PTPRD: variants seen among roughly 807,000 people sequenced by gnomAD.
The protein encoded by PTPRD is receptor-type tyrosine-protein phosphatase delta.
Under a neutral mutation model 214.5 loss-of-function variants are expected in PTPRD, and 34 were observed. That is an observed-to-expected ratio of 0.16 (90% CI 0.12 to 0.21). PTPRD has a LOEUF of 0.21. Among genes scored for constraint, PTPRD ranks in the 10% least tolerant of loss-of-function variants. PTPRD has a pLI of 1.00. For synonymous variants in PTPRD, 1,128 were observed against 845.7 expected (o/e 1.33, Z -5.79); for missense variants, 2,545 against 2,398.7 (o/e 1.06, Z -1.27).
rs549959552 is a variant in PTPRD, at chr9:10,529,609, C to T, written c.-600+82789G>A. ...GGGAAGGATAGCATTAGGAGAAATA[C>T]CTAATGTAGATGATGGCTTGATGGG... On this transcript the variant is annotated intron_variant, in intron 2 of 45. Transcript: ENST00000381196. Among the ~76,000 whole-genome samples the T allele has an allele frequency of 4.0e-5, 6 of 151,322 alleles. No individual in the cohort carries two copies. The South Asian group carries it at 1.3e-3, about 32-fold the overall frequency.
Position 9,328,839 on chromosome 9 carries a change from T to C in PTPRD, c.-203+68610A>G, listed in dbSNP as rs527916318. On this transcript the variant is annotated intron_variant, in intron 9 of 45. Coordinates refer to ENST00000381196, the MANE Select transcript of PTPRD (RefSeq NM_002839.4). ...TTTAAGTGGAGACAGGGTTTCACTA[T>C]GTTGGCCAGGCTGGTCTTGAACTCC... Among the ~76,000 whole-genome samples the C allele has an allele frequency of 4.0e-5, 6 of 151,474 alleles. No individual in the cohort carries two copies. The South Asian group carries it at 1.3e-3, about 32-fold the overall frequency.
At chr9:9,795,108 G>A (rs1200638603) in intron 5 of PTPRD, among the ~76,000 whole-genome samples, 1 of 152,186 alleles carries the variant, frequency 6.6e-6, no homozygotes, top group African/African-American at 2.4e-5. Flanking sequence ...TTTAAAACGT[G>A]AGAATACTTT....
intron 9 of PTPRD, among the ~76,000 whole-genome samples, chr9:9,361,090 T>C (rs2055956585): frequency 6.6e-6 from 1 of 151,202 alleles, no homozygotes; most frequent in Admixed American, 6.6e-5. Context: ...ATACAGCTAA[T>C]CATGTCATGT....
rs191172112 is a variant in PTPRD, at chr9:10,010,616, G to C, written c.-472+23102C>G. ...AAGTTGTATACTCAACTCAGTTAATGGTGGCTGGATTTCCAAGCCAGAGGT... is the reference window on the plus strand; with the variant it reads ...AAGTTGTATACTCAACTCAGTTAATCGTGGCTGGATTTCCAAGCCAGAGGT... On this transcript the variant is annotated intron_variant, in intron 4 of 45. Transcript: ENST00000381196. Among the ~76,000 whole-genome samples, 62 of 151,842 alleles carry C rather than the reference G, an allele frequency of 4.1e-4. No homozygotes were observed. The East Asian group carries it at 9.3e-3, about 23-fold the overall frequency.
At chr9:10,537,512 T>C (rs1187559749) in intron 2 of PTPRD, among the ~76,000 whole-genome samples, 3 of 152,170 alleles carry the variant, frequency 2.0e-5, no homozygotes, top group African/African-American at 4.8e-5. Context: ...ATTGTCAAAA[T>C]TGAAATTGCA....
At chr9:10,217,910 C>A (rs146653496) in intron 3 of PTPRD, among the ~76,000 whole-genome samples, 1 of 151,788 alleles carries the variant, frequency 6.6e-6, no homozygotes, top group Non-Finnish European at 1.5e-5. Flanking sequence ...TAGCAGGCAA[C>A]GGGTTTGAAA....
chr9:8,990,942 C>T (rs1428517836), intron 11 of PTPRD, among the ~76,000 whole-genome samples: 1 of 152,004 alleles, frequency 6.6e-6, no homozygotes, highest in Non-Finnish European at 1.5e-5. Context: ...AGGCCAGGCA[C>T]AGTGGCTCAT....
chr9:10,191,203 C>A (rs2099362303), intron 3 of PTPRD, among the ~76,000 whole-genome samples: 1 of 151,960 alleles, frequency 6.6e-6, no homozygotes, highest in African/African-American at 2.4e-5. Flanking sequence ...GGAGAATTAA[C>A]ACAAAAAGTT....
intron 14 of PTPRD, among the ~76,000 whole-genome samples, chr9:8,556,372 T>C (rs2083753136): frequency 6.6e-6 from 1 of 152,180 alleles, no homozygotes; most frequent in Admixed American, 6.5e-5. Flanking sequence ...TCTAACAGTC[T>C]GTGACTAAAT....
intron 5 of PTPRD, among the ~76,000 whole-genome samples, chr9:9,818,462 T>C (rs1247451993): frequency 1.3e-5 from 2 of 152,226 alleles, no homozygotes; most frequent in East Asian, 3.9e-4. Flanking sequence ...AGAAACATTA[T>C]TTAGTTTATG....
chr9:9,884,467 C>A (rs1490193453), intron 5 of PTPRD, among the ~76,000 whole-genome samples: 1 of 152,072 alleles, frequency 6.6e-6, no homozygotes, highest in East Asian at 1.9e-4. Context: ...TGTTTACAAA[C>A]ATTTACCACC....
rs185680903 is a variant in PTPRD, at chr9:9,476,788, G to A, written c.-236-79306C>T. On this transcript the variant is annotated intron_variant, in intron 8 of 45. Coordinates refer to ENST00000381196, the MANE Select transcript of PTPRD (RefSeq NM_002839.4). The stretch of plus-strand genomic sequence containing the variant: ...TTTTCTCTTGTTGCCCAGGCTGGAG[G>A]GCGATGGCACCATCTTGGCTCACCG... 3.3e-5 allele frequency among the ~76,000 whole-genome samples: 5 copies of A among 151,936 alleles called. No homozygotes were observed. The South Asian group carries it at 1.0e-3, about 32-fold the overall frequency.
chr9:9,881,123 C>T (rs1029351111), intron 5 of PTPRD, among the ~76,000 whole-genome samples: 1 of 151,980 alleles, frequency 6.6e-6, no homozygotes, highest in Non-Finnish European at 1.5e-5. Context: ...TGAAACTTCA[C>T]TCAATAATTT....
intron 8 of PTPRD, among the ~76,000 whole-genome samples, chr9:9,559,064 T>C (rs1326745988): frequency 6.6e-6 from 1 of 152,194 alleles, no homozygotes; most frequent in Non-Finnish European, 1.5e-5. Flanking sequence ...AGTGCACCCA[T>C]CCCGTTATTG....
chr9:8,866,125 A>G (rs541228169), intron 11 of PTPRD, among the ~76,000 whole-genome samples: 2 of 152,284 alleles, frequency 1.3e-5, no homozygotes, highest in South Asian at 2.1e-4. Context: ...CTGATTTTCA[A>G]AACTCATTGG....
At chr9:9,253,162 C>A (rs901693920) in intron 9 of PTPRD, among the ~76,000 whole-genome samples, 3 of 151,986 alleles carry the variant, frequency 2.0e-5, no homozygotes, top group African/African-American at 7.2e-5. Context: ...TTTTGAAGTA[C>A]CTACTGACAT....
In PTPRD at chr9:8,484,405, A is replaced by C. The variant is rs751983696; in HGVS notation, c.3154-27T>G. The C allele has an allele frequency of 6.2e-5, 98 of 1,584,630 alleles. No homozygotes were observed. The Middle Eastern group carries it at 1.0e-3, about 17-fold the overall frequency. Reference sequence around the variant, plus strand: ...TAAAGAGATAAAACCAATAAAAAAAAAATCTGGTTATCAGAGAGGCAAAAT... The same window carrying C: ...TAAAGAGATAAAACCAATAAAAAAACAATCTGGTTATCAGAGAGGCAAAAT... On this transcript the variant is annotated intron_variant, in intron 29 of 45. Coordinates refer to ENST00000381196, the MANE Select transcript of PTPRD (RefSeq NM_002839.4).
intron 9 of PTPRD, among the ~76,000 whole-genome samples, chr9:9,294,714 T>G: frequency 6.6e-6 from 1 of 151,668 alleles, no homozygotes; most frequent in East Asian, 1.9e-4. Context: ...CACCCTGATC[T>G]TAGACTTCTC....
rs71321214 is a variant in PTPRD, at chr9:10,018,538, C to CTTTT, written c.-472+15176_-472+15179dup. Among the ~76,000 whole-genome samples the CTTTT allele has an allele frequency of 1.6e-3, 112 of 71,104 alleles. 19 individuals are homozygous for CTTTT. Among genetic ancestry groups the CTTTT allele is most frequent in the East Asian group, 4.8e-3 (10 of 2,078 alleles). 46.6% of individuals were successfully genotyped at this position (71,104 alleles called of 152,430 possible). On this transcript the variant is annotated intron_variant, in intron 4 of 45. Transcript: ENST00000381196. Reference sequence around the variant, plus strand: ...AATGATTTATTTAAGAATTACATTTCTTTTTTTTTTTTTTTTTTTTTTTTT... The same window carrying CTTTT: ...AATGATTTATTTAAGAATTACATTTCTTTTTTTTTTTTTTTTTTTTTTTTTTTTT...
Sources: gnomAD v4.1 joint callset for allele counts (sites outside exome capture counted in the v4.1 genomes callset) on GRCh38, gnomAD v4.1.1 for gene constraint, MANE v1.5 for transcripts, NCBI Gene and HGNC (gene_info 2026-07-23, HGNC 2026-07-21) for gene names.